SEMA6D: variants seen among roughly 807,000 people sequenced by gnomAD.
SEMA6D encodes the protein semaphorin-6D.
Under a neutral mutation model 106.6 loss-of-function variants are expected in SEMA6D, and 35 were observed. That is an observed-to-expected ratio of 0.33 (90% confidence interval 0.25 to 0.44). The LOEUF (loss-of-function observed/expected upper bound fraction) is 0.44. Among genes scored for constraint, SEMA6D ranks in the 20% least tolerant of loss-of-function variants. SEMA6D has a pLI of 1.00. For synonymous variants in SEMA6D, 499 were observed against 487.7 expected, an observed-to-expected ratio of 1.02 and a Z score of -0.31; for missense variants, 1,185 against 1,345.9, an observed-to-expected ratio of 0.88 and a Z score of 1.87.
Position 47,766,128 on chromosome 15 carries a change from C to G in SEMA6D, c.1592C>G (p.Pro531Arg). The G allele has an allele frequency of 6.2e-7, 1 of 1,613,618 alleles. No homozygotes were observed. The highest frequency in any genetic ancestry group is 8.5e-7 in the Non-Finnish European group (1 of 1,179,724). The part of the protein sequence containing the change: ...CKKSCIASRD[P>R]YCGWLSQGSC... ...AGGTCTTGTATTGCATCTCGTGACC[C>G]GTATTGTGGCTGGTTAAGCCAGGGA... The change falls in exon 15 of 19, where the codon CCG becomes CGG. Residue 531 changes from proline (P) to arginine (R), a missense_variant. Pro to Arg is a moderately radical substitution (Grantham distance 103, BLOSUM62 -2). Coordinates refer to ENST00000536845, the MANE Select transcript of SEMA6D (RefSeq NM_001358351.3).
intron 1 of SEMA6D, among the ~76,000 whole-genome samples, chr15:47,388,053 C>T (rs969515920): frequency 1.3e-5 from 2 of 151,888 alleles, no homozygotes; most frequent in African/African-American, 2.4e-5. Flanking sequence ...CCTAGGGCTC[C>T]CTGGGGATAG....
At chr15:47,195,889 A>G (rs2141006712) in intron 1 of SEMA6D, among the ~76,000 whole-genome samples, 1 of 152,116 alleles carries the variant, frequency 6.6e-6, no homozygotes, top group South Asian at 2.1e-4. Context: ...TCACCTACAG[A>G]TGGGGATTCA....
intron 4 of SEMA6D, among the ~76,000 whole-genome samples, chr15:47,692,478 A>G (rs1417175867): frequency 6.6e-6 from 1 of 152,162 alleles, no homozygotes; most frequent in African/African-American, 2.4e-5. Context: ...GCTCTGCTTA[A>G]AAAATCCCTA....
intron 1 of SEMA6D, among the ~76,000 whole-genome samples, chr15:47,264,038 C>G (rs2034200238): frequency 6.6e-6 from 1 of 151,670 alleles, no homozygotes; most frequent in Non-Finnish European, 1.5e-5. Flanking sequence ...AGGTCATGTC[C>G]TTTGCAGCAA....
intron 1 of SEMA6D, among the ~76,000 whole-genome samples, chr15:47,392,083 G>A (rs12907546): frequency 0.22 from 33,269 of 151,936 alleles, 3,916 homozygotes; most frequent in Middle Eastern, 0.33. Flanking sequence ...TTTATTAAAG[G>A]TGCTGTTGTC....
rs181207370 is a variant in SEMA6D at position 47,665,764 on chromosome 15, C to T, written c.-55+64868C>T. Among the ~76,000 whole-genome samples, 1,513 of 152,264 alleles carry T rather than the reference C, an allele frequency of 9.9e-3. 14 individuals are homozygous for T. Among genetic ancestry groups the T allele is most frequent in the South Asian group, 0.044 (214 of 4,822 alleles). The stretch of plus-strand genomic sequence containing the variant: ...GGTGGAGGTTGCAGTGAGCCAAGAT[C>T]GTGCCACTGCACTCCAGCCTGGGCG... On this transcript the variant is annotated intron_variant, in intron 4 of 19. Coordinates refer to the SEMA6D transcript ENST00000558014.
At chr15:47,353,310 A>G (rs1281339535) in intron 1 of SEMA6D, among the ~76,000 whole-genome samples, 2 of 152,150 alleles carry the variant, frequency 1.3e-5, no homozygotes, top group African/African-American at 4.8e-5. Context: ...GCCCTCCCCA[A>G]TTCATAATGA....
intron 1 of SEMA6D, among the ~76,000 whole-genome samples, chr15:47,257,206 T>C (rs959493458): frequency 1.8e-4 from 27 of 151,982 alleles, no homozygotes; most frequent in African/African-American, 3.4e-4. Context: ...TACAGGTGCC[T>C]GCCACCACGC....
chr15:47,737,506 A>G (rs1178504644), intron 1 of SEMA6D, among the ~76,000 whole-genome samples: 1 of 152,172 alleles, frequency 6.6e-6, no homozygotes, highest in African/African-American at 2.4e-5. Context: ...ATTTGTCTAT[A>G]TGCATCTCCG....
chr15:47,752,438 A>G (rs2081491167), intron 1 of SEMA6D, among the ~76,000 whole-genome samples: 1 of 152,186 alleles, frequency 6.6e-6, no homozygotes, highest in Non-Finnish European at 1.5e-5. Context: ...AAGTAGAAGA[A>G]TGAGCAGGAG....
chr15:47,597,109 G>T (rs181151967), intron 3 of SEMA6D, among the ~76,000 whole-genome samples: 5 of 152,034 alleles, frequency 3.3e-5, no homozygotes, highest in Non-Finnish European at 5.9e-5. Flanking sequence ...ATTTTAAAAA[G>T]GGCAACAGAT....
At chr15:47,485,491 G>A (rs1057011763) in intron 3 of SEMA6D, among the ~76,000 whole-genome samples, 2 of 152,090 alleles carry the variant, frequency 1.3e-5, no homozygotes, top group Non-Finnish European at 2.9e-5. Flanking sequence ...CAGAGAGAGT[G>A]AAATAGTCTG....
intron 1 of SEMA6D, among the ~76,000 whole-genome samples, chr15:47,389,702 C>T (rs375611977): frequency 3.9e-5 from 6 of 152,112 alleles, no homozygotes; most frequent in African/African-American, 1.4e-4. Context: ...ATAGAAAACC[C>T]GAAGTGTCTT....
At chr15:47,730,553 G>T (rs985425001) in intron 1 of SEMA6D, 1 of 1,369,188 alleles carries the variant, frequency 7.3e-7, no homozygotes, top group African/African-American at 1.4e-5. Flanking sequence ...TGGTCTCTTC[G>T]TGGGGACATC....
chr15:47,557,596 T>A (rs2045951263), intron 3 of SEMA6D, among the ~76,000 whole-genome samples: 1 of 152,182 alleles, frequency 6.6e-6, no homozygotes, highest in Non-Finnish European at 1.5e-5. Flanking sequence ...AAGGACTTAC[T>A]ACTCCCCTCA....
At chr15:47,490,322 T>A (rs924882304) in intron 3 of SEMA6D, among the ~76,000 whole-genome samples, 3 of 152,158 alleles carry the variant, frequency 2.0e-5, no homozygotes, top group Non-Finnish European at 4.4e-5. Flanking sequence ...CTTTATTAAG[T>A]TAAAAACTTT....
chr15:47,750,817 G>A (rs1384579941), intron 1 of SEMA6D, among the ~76,000 whole-genome samples: 3 of 151,950 alleles, frequency 2.0e-5, no homozygotes, highest in African/African-American at 7.3e-5. Context: ...GGCCCACAGC[G>A]AGAGAGGATG....
chr15:47,621,135 G>A (rs2077090492), intron 4 of SEMA6D, among the ~76,000 whole-genome samples: 1 of 152,140 alleles, frequency 6.6e-6, no homozygotes, highest in South Asian at 2.1e-4. Context: ...GTTCTAGATG[G>A]TAGCATTTTC....
At position 47,276,710 on chromosome 15, in the gene SEMA6D, TTTCATGC is replaced by T. The variant is rs2034834855; in HGVS notation, c.-239+92293_-239+92299del. On this transcript the variant is annotated intron_variant, in intron 1 of 19. Coordinates refer to the SEMA6D transcript ENST00000558014. ...TGGAAATGTACAAGGAGGTTAATGT[TTTCATGC>T]CTGCTAACAAAACATTCATTCTGTG... is the stretch of plus-strand genomic sequence containing the variant. 2.0e-5 allele frequency among the ~76,000 whole-genome samples: 3 copies of T among 152,304 alleles called. No individual in the cohort carries two copies. In the South Asian group the frequency reaches 6.2e-4, roughly 32 times the overall value.
Sources: allele counts gnomAD v4.1 joint callset (sites outside exome capture counted in the v4.1 genomes callset), GRCh38; gene constraint gnomAD v4.1.1; transcripts MANE v1.5; gene names NCBI Gene and HGNC (gene_info 2026-07-23, HGNC 2026-07-21).